EPO: variants seen among roughly 807,000 people sequenced by gnomAD.
EPO encodes erythropoietin.
EPO carries 12 observed loss-of-function variants against 24.4 expected under a neutral mutation model. The ratio of observed to expected loss-of-function variants is 0.49; its 90% CI spans 0.32 to 0.80. The LOEUF is 0.80. Ranked by LOEUF, EPO falls within the 30% of genes least tolerant of loss-of-function variation. EPO has a pLI of 0.04. For synonymous variants in EPO, 107 were observed against 104.0 expected, an observed-to-expected ratio of 1.03 and a Z score of -0.18; for missense variants, 210 against 238.0, an observed-to-expected ratio of 0.88 and a Z score of 0.77.
In EPO at chr7:100,722,058, T is replaced by C. The variant is rs759727858; in HGVS notation, c.246+10T>C. The C allele has an allele frequency of 8.9e-6, 3 of 336,988 alleles. No homozygotes were observed. The highest frequency in any genetic ancestry group is 1.1e-4 in the East Asian group (1 of 8,856). 20.9% of individuals were successfully genotyped at this position (336,988 alleles called of 1,614,324 possible). ...CTGGAAGAGGATGGAGGTGAGTTCCTTTTTTTTTTTTTTTCCTTTCTTTTG... is the reference window on the plus strand; with the variant it reads ...CTGGAAGAGGATGGAGGTGAGTTCCCTTTTTTTTTTTTTTCCTTTCTTTTG... On this transcript the variant is annotated intron_variant, in intron 3 of 4. Coordinates refer to ENST00000252723, the MANE Select transcript of EPO (RefSeq NM_000799.4).
At chr7:100,722,308 G>A (rs1169806277) in intron 3 of EPO, among the ~76,000 whole-genome samples, 2 of 151,964 alleles carry the variant, frequency 1.3e-5, no homozygotes, top group Non-Finnish European at 2.9e-5. Flanking sequence ...AAATTAGTCA[G>A]GTGAGGTGGT....
At position 100,720,830 on chromosome 7, in the gene EPO, C is replaced by A; in HGVS notation, c.-151C>A. ...AGCCGGACCGGGGCCACCGCGCCCGCTCTGCTCCGACACCGCGCCCCCTGG... is the reference window on the plus strand; with the variant it reads ...AGCCGGACCGGGGCCACCGCGCCCGATCTGCTCCGACACCGCGCCCCCTGG... On this transcript the variant is annotated 5_prime_UTR_variant, in exon 1 of 5. Coordinates refer to ENST00000252723, the MANE Select transcript of EPO (RefSeq NM_000799.4). The A allele has an allele frequency of 1.0e-6, 1 of 968,918 alleles. No homozygotes were observed. The highest frequency in any genetic ancestry group is 1.4e-6 in the Non-Finnish European group (1 of 727,596). 60.0% of individuals were successfully genotyped at this position (968,918 alleles called of 1,614,324 possible).
At position 100,721,705 on chromosome 7, in the gene EPO, T is replaced by G; in HGVS notation, c.159+2T>G. ...GCCAAGGAGGCCGAGAATATCACGG[T>G]GAGACCCCTTCCCCAGCACATTCCA... On this transcript the variant is annotated splice_donor_variant, in intron 2 of 4. Coordinates refer to ENST00000252723, the MANE Select transcript of EPO (RefSeq NM_000799.4). LOFTEE classifies it high-confidence loss of function. This position sits in a 1 kb window ranked among gnomAD's most constrained non-coding sequence, Gnocchi z 4.0. 6.2e-7 allele frequency: 1 copy of G among 1,607,812 alleles called. No individual in the cohort carries two copies. Among genetic ancestry groups the G allele is most frequent in the South Asian group, 1.1e-5 (1 of 91,010 alleles).
rs1806724238 is a variant in EPO at position 100,720,644 on chromosome 7, G to GCCCCTAACCCTGGCGA, written c.-331_-330insACCCTGGCGACCCCTA. ...CCTGCCCCTGCTCTGACCCCGGGTGGCCCCTACCCCTGGCGACCCCTCACG... is the reference window on the plus strand; with the variant it reads ...CCTGCCCCTGCTCTGACCCCGGGTGGCCCCTAACCCTGGCGACCCCTACCCCTGGCGACCCCTCACG... On this transcript the variant is annotated 5_prime_UTR_variant, in exon 1 of 5. Coordinates refer to ENST00000252723, the MANE Select transcript of EPO (RefSeq NM_000799.4). Among the ~76,000 whole-genome samples the GCCCCTAACCCTGGCGA allele has an allele frequency of 2.6e-5, 4 of 151,876 alleles. No individual in the cohort carries two copies. The highest frequency in any genetic ancestry group is 2.6e-4 in the Admixed American group (4 of 15,246).
intron 3 of EPO, 25 bp from the exon 4 acceptor site, chr7:100,722,639 G>A: frequency 1.3e-6 from 2 of 1,558,640 alleles, no homozygotes; most frequent in Non-Finnish European, 1.7e-6. Flanking sequence ...TGGGTCAGCT[G>A]ACTCCCAGAG....
Position 100,723,027 on chromosome 7 carries a change from C to A in EPO, c.476C>A (p.Thr159Lys). ...PDAASAAPLR[T>K]ITADTFRKLF... ...GCGGCCTCAGCTGCTCCACTCCGAA[C>A]AATCACTGCTGACACTTTCCGCAAA... is the stretch of plus-strand genomic sequence containing the variant. Residue 159 changes from threonine (T) to lysine (K), a missense_variant, in exon 5 of 5, where the codon ACA becomes AAA. Coordinates refer to ENST00000252723, the MANE Select transcript of EPO (RefSeq NM_000799.4). 6.2e-7 allele frequency: 1 copy of A among 1,614,166 alleles called. No individual in the cohort carries two copies. Among genetic ancestry groups the A allele is most frequent in the Non-Finnish European group, 8.5e-7 (1 of 1,180,032 alleles).
At position 100,721,943 on chromosome 7, in the gene EPO, C is replaced by T. The variant is rs201945162; in HGVS notation, c.160-19C>T. The stretch of plus-strand genomic sequence containing the variant: ...GAGCCTTCAGGGACCCTTGACTCCC[C>T]GGGCTGTGTGCATTTCAGACGGGCT... On this transcript the variant is annotated intron_variant, in intron 2 of 4. Transcript: ENST00000252723. This position sits in a 1 kb window ranked among gnomAD's most constrained non-coding sequence, Gnocchi z 4.0. The T allele has an allele frequency of 2.3e-5, 37 of 1,600,974 alleles. No homozygotes were observed. The highest frequency in any genetic ancestry group is 3.6e-5 in the Admixed American group (2 of 56,096).
intron 3 of EPO, among the ~76,000 whole-genome samples, chr7:100,722,436 T>C (rs1031840655): frequency 6.6e-6 from 1 of 151,904 alleles, no homozygotes; most frequent in African/African-American, 2.4e-5. Flanking sequence ...AGTGACAGAG[T>C]GAGGCCCTGT....
At position 100,720,562 on chromosome 7, in the gene EPO, C is replaced by A. The variant is rs1050995603; in HGVS notation, c.-419C>A. On this transcript the variant is annotated 5_prime_UTR_variant, in exon 1 of 5. Coordinates refer to ENST00000252723, the MANE Select transcript of EPO (RefSeq NM_000799.4). ...AGGGCCCGGGAGCAGCCCCCATGAC[C>A]CACACGCACGTCTGCAGCAGCCCCG... 2.0e-5 allele frequency among the ~76,000 whole-genome samples: 3 copies of A among 152,130 alleles called. No homozygotes were observed. Among genetic ancestry groups the A allele is most frequent in the Non-Finnish European group, 2.9e-5 (2 of 68,002 alleles).
chr7:100,721,932 C>G lies in EPO; in HGVS notation c.160-30C>G. 1.3e-6 allele frequency: 2 copies of G among 1,592,364 alleles called. No individual in the cohort carries two copies. Among genetic ancestry groups the G allele is most frequent in the African/African-American group, 1.4e-5 (1 of 73,514 alleles). On this transcript the variant is annotated intron_variant, in intron 2 of 4. Coordinates refer to ENST00000252723, the MANE Select transcript of EPO (RefSeq NM_000799.4). This position sits in a 1 kb window ranked among gnomAD's most constrained non-coding sequence, Gnocchi z 4.0. Reference sequence around the variant, plus strand: ...GGCCAGGGCCAGAGCCTTCAGGGACCCTTGACTCCCCGGGCTGTGTGCATT... The same window carrying G: ...GGCCAGGGCCAGAGCCTTCAGGGACGCTTGACTCCCCGGGCTGTGTGCATT...
At chr7:100,722,111 G>T (rs1275179359) in intron 3 of EPO, 63 bp downstream of exon 3, 1 of 1,430,214 alleles carries the variant, frequency 7.0e-7, no homozygotes, top group African/African-American at 1.5e-5. Context: ...GCCTGATTTT[G>T]GATGAAAGGG....
At chr7:100,722,283 T>C (rs78511541) in intron 3 of EPO, among the ~76,000 whole-genome samples, 1,534 of 152,052 alleles carry the variant, frequency 0.01, 21 homozygotes, top group African/African-American at 0.035. Context: ...CCCCCATCTC[T>C]ACAAACATTT....
rs1562902246 is a variant in EPO, at chr7:100,723,429, G to A, written c.*296G>A. On this transcript the variant is annotated 3_prime_UTR_variant, in exon 5 of 5. Coordinates refer to ENST00000252723, the MANE Select transcript of EPO (RefSeq NM_000799.4). ...CTGGGAAGACGCCTGAGCTCACTCG[G>A]CACCCTGCAAAATTTGATGCCAGGA... 3.6e-6 allele frequency: 1 copy of A among 276,754 alleles called. No homozygotes were observed. The highest frequency in any genetic ancestry group is 6.8e-6 in the Non-Finnish European group (1 of 147,544). The allele number at this position is 276,754 out of a possible 1,614,324, so 17.1% of individuals were successfully genotyped here.
chr7:100,722,057 C>CG lies in EPO; in HGVS notation c.246+9_246+10insG. 6 of 1,382,470 alleles carry CG rather than the reference C, an allele frequency of 4.3e-6. No homozygotes were observed. The East Asian group carries it at 1.4e-4, about 33-fold the overall frequency. The allele number at this position is 1,382,470 out of a possible 1,614,324, so 85.6% of individuals were successfully genotyped here. A position where few individuals can be genotyped will look rare whatever the true frequency, so the allele number is the denominator to read the frequency against. On this transcript the variant is annotated intron_variant, in intron 3 of 4. Coordinates refer to ENST00000252723, the MANE Select transcript of EPO (RefSeq NM_000799.4). ...CCTGGAAGAGGATGGAGGTGAGTTC[C>CG]TTTTTTTTTTTTTTTCCTTTCTTTT...
At position 100,722,996 on chromosome 7, in the gene EPO, C is replaced by T; in HGVS notation, c.445C>T (p.Pro149Ser). Residue 149 changes from proline to serine, a missense_variant, in exon 5 of 5, where the codon CCA becomes TCA. By Grantham distance (74) the Pro-to-Ser change is moderately conservative (BLOSUM62 -1). Coordinates refer to ENST00000252723, the MANE Select transcript of EPO (RefSeq NM_000799.4). ...LGAQKEAISP[P>S]DAASAAPLRT... ...TTGGCAGAAGGAAGCCATCTCCCCTCCAGATGCGGCCTCAGCTGCTCCACT... is the reference window on the plus strand; with the variant it reads ...TTGGCAGAAGGAAGCCATCTCCCCTTCAGATGCGGCCTCAGCTGCTCCACT... The T allele has an allele frequency of 6.8e-6, 11 of 1,614,066 alleles. No individual in the cohort carries two copies. The highest frequency in any genetic ancestry group is 8.5e-6 in the Non-Finnish European group (10 of 1,179,982).
At position 100,723,202 on chromosome 7, in the gene EPO, G is replaced by C; in HGVS notation, c.*69G>C. ...CATTGCTTGTGCCACACCCTCCCCC[G>C]CCACTCCTGAACCCCGTCGAGGGGC... is the stretch of plus-strand genomic sequence containing the variant. On this transcript the variant is annotated 3_prime_UTR_variant, in exon 5 of 5. Coordinates refer to ENST00000252723, the MANE Select transcript of EPO (RefSeq NM_000799.4). 1 of 1,531,858 alleles carries C rather than the reference G, an allele frequency of 6.5e-7. No individual in the cohort carries two copies. 94.9% of individuals were successfully genotyped at this position (1,531,858 alleles called of 1,614,324 possible).
At position 100,721,585 on chromosome 7, in the gene EPO, T is replaced by C. The variant is rs1473764288; in HGVS notation, c.41T>C (p.Leu14Pro). The stretch of plus-strand genomic sequence containing the variant: ...TGTCCTGCCTGGCTGTGGCTTCTCC[T>C]GTCCCTGCTGTCGCTCCCTCTGGGC... ...HECPAWLWLL[L>P]SLLSLPLGLP... The change falls in exon 2 of 5, where the codon CTG becomes CCG. Residue 14 changes from leucine (L) to proline (P), a missense_variant. Transcript: ENST00000252723. This position sits in a 1 kb window ranked among gnomAD's most constrained non-coding sequence, Gnocchi z 4.0. 1 of 1,614,060 alleles carries C rather than the reference T, an allele frequency of 6.2e-7. No individual in the cohort carries two copies. Among genetic ancestry groups the C allele is most frequent in the Admixed American group, 1.7e-5 (1 of 60,020 alleles).
chr7:100,721,393 C>T lies in EPO; in HGVS notation c.14-165C>T, dbSNP rs1312795955. Among the ~76,000 whole-genome samples, 3 of 152,060 alleles carry T rather than the reference C, an allele frequency of 2.0e-5. No homozygotes were observed. The highest frequency in any genetic ancestry group is 4.4e-5 in the Non-Finnish European group (3 of 68,004). On this transcript the variant is annotated intron_variant, in intron 1 of 4. Coordinates refer to ENST00000252723, the MANE Select transcript of EPO (RefSeq NM_000799.4). This position sits in a 1 kb window ranked among gnomAD's most constrained non-coding sequence, Gnocchi z 4.0. Reference sequence around the variant, plus strand: ...GGTAGCTGGGGGTGGGGTGTGCACACGGCAGCAGGATTGAATGAAGGCCAG... The same window carrying T: ...GGTAGCTGGGGGTGGGGTGTGCACATGGCAGCAGGATTGAATGAAGGCCAG...
Position 100,723,012 on chromosome 7 carries a change from C to G in EPO, c.461C>G (p.Ala154Gly). The change falls in exon 5 of 5, where the codon GCT becomes GGT. Residue 154 changes from alanine to glycine, a missense_variant. Ala to Gly is a moderately conservative substitution (Grantham distance 60). Transcript: ENST00000252723. ...ATCTCCCCTCCAGATGCGGCCTCAG[C>G]TGCTCCACTCCGAACAATCACTGCT... The part of the protein sequence containing the change: ...EAISPPDAAS[A>G]APLRTITADT... 6.2e-7 allele frequency: 1 copy of G among 1,614,174 alleles called. No individual in the cohort carries two copies. Among genetic ancestry groups the G allele is most frequent in the Non-Finnish European group, 8.5e-7 (1 of 1,180,018 alleles).
Sources: gnomAD v4.1 joint callset for allele counts (sites outside exome capture counted in the v4.1 genomes callset) on GRCh38, gnomAD v4.1.1 for gene constraint, Gnocchi (gnomAD v3.1) non-coding constraint, MANE v1.5 for transcripts, NCBI Gene and HGNC (gene_info 2026-07-23, HGNC 2026-07-21) for gene names.